LAMP2: variants seen among roughly 807,000 people sequenced by gnomAD.
LAMP2 encodes the protein lysosome associated membrane protein 2, also known as lysosome-associated membrane glycoprotein 2.
In LAMP2, 4 loss-of-function variants were observed where a neutral mutation model predicts 25.6. The ratio of observed to expected loss-of-function variants is 0.16; its 90% CI spans 0.08 to 0.36. The LOEUF (loss-of-function observed/expected upper bound fraction) is 0.36. LAMP2 is among the 10% of genes least tolerant of loss of function. The probability of loss-of-function intolerance (pLI) is 1.00; values close to 1 mark genes in which losing one functional copy is unlikely to be tolerated. For synonymous variants in LAMP2, 108 were observed against 112.7 expected (o/e 0.96, Z 0.27); for missense variants, 272 against 301.4 (o/e 0.90, Z 0.72).
chrX:120,439,134 A>G, intron 8 of LAMP2: 1 of 1,209,739 alleles, frequency 8.3e-7, no homozygotes, highest in Non-Finnish European at 1.1e-6. Flanking sequence ...TTTGTAACAG[A>G]GATCACGTAT....
At position 120,438,731 on chromosome X, in the gene LAMP2, CAA is replaced by C. The variant is rs1556088505; in HGVS notation, c.1093+2997_1093+2998del. 4.2e-4 allele frequency: 295 copies of C among 708,979 alleles called. 2 individuals carry two copies. In the African/African-American group the frequency reaches 5.3e-3, roughly 13 times the overall value. 58.4% of individuals were successfully genotyped at this position (708,979 alleles called of 1,213,427 possible). ...ACACACACACACACACACACACACACAAAAAGAGCAAAAGGAGCAAGTACAAA... is the reference window on the plus strand; with the variant it reads ...ACACACACACACACACACACACACACAAAGAGCAAAAGGAGCAAGTACAAA... On this transcript the variant is annotated intron_variant, in intron 8 of 8. Coordinates refer to ENST00000200639, the MANE Select transcript of LAMP2 (RefSeq NM_002294.3).
intron 6 of LAMP2, 138 bp from the exon 7 acceptor site, chrX:120,442,800 C>T (rs1309300170): frequency 7.6e-6 from 4 of 529,601 alleles, no homozygotes; most frequent in South Asian, 2.6e-5. Flanking sequence ...TAAACTGCAA[C>T]TAAGTAAAAG....
intron 3 of LAMP2, among the ~76,000 whole-genome samples, chrX:120,451,201 G>A (rs1449941526): frequency 1.8e-5 from 2 of 111,639 alleles, no homozygotes; most frequent in Admixed American, 1.9e-4. Flanking sequence ...TTACAGGCAC[G>A]AGCCACCACA....
At chrX:120,453,746 T>G (rs1265575347) in intron 3 of LAMP2, among the ~76,000 whole-genome samples, 1 of 112,147 alleles carries the variant, frequency 8.9e-6, no homozygotes, top group East Asian at 2.8e-4. Flanking sequence ...AGGCGGAGGT[T>G]GCAGTAAGCC....
At position 120,428,671 on chromosome X, in the gene LAMP2, A is replaced by G. The variant is rs201640841; in HGVS notation, c.*2652T>C. On this transcript the variant is annotated 3_prime_UTR_variant, in exon 9 of 9. Coordinates refer to ENST00000200639, the MANE Select transcript of LAMP2 (RefSeq NM_002294.3). ...AGCAAGGAAAGGAAATTAGCAAAGA[A>G]TGCAATTAAGTAGTAAAAAGCATGC... 13 of 1,139,477 alleles carry G rather than the reference A, an allele frequency of 1.1e-5. No individual in the cohort carries two copies. In the East Asian group the frequency reaches 4.4e-4, roughly 38 times the overall value. 93.9% of individuals were successfully genotyped at this position (1,139,477 alleles called of 1,213,427 possible).
intron 8 of LAMP2, chrX:120,436,777 G>T: frequency 1.4e-6 from 1 of 703,538 alleles, no homozygotes; most frequent in Non-Finnish European, 1.7e-6. Flanking sequence ...GTAAATAGCA[G>T]TATATAAACT....
intron 8 of LAMP2, chrX:120,436,467 T>C (rs1269172718): frequency 1.4e-6 from 1 of 733,791 alleles, no homozygotes; most frequent in African/African-American, 2.3e-5. Flanking sequence ...ATCTTGACTT[T>C]AACCAACGGG....
intron 3 of LAMP2, among the ~76,000 whole-genome samples, chrX:120,449,803 A>C (rs1007920777): frequency 8.1e-5 from 9 of 111,206 alleles, no homozygotes; most frequent in African/African-American, 2.9e-4. Context: ...TATTTTAAGG[A>C]AGATAGCAAA....
chrX:120,464,796 G>A (rs1921468056), intron 1 of LAMP2, among the ~76,000 whole-genome samples: 1 of 111,884 alleles, frequency 8.9e-6, no homozygotes, highest in Non-Finnish European at 1.9e-5. Flanking sequence ...TTGTCCCCCA[G>A]GCTGGAGGAC....
At chrX:120,451,085 G>A (rs961758117) in intron 3 of LAMP2, among the ~76,000 whole-genome samples, 3 of 109,450 alleles carry the variant, frequency 2.7e-5, no homozygotes, top group Admixed American at 9.8e-5. Flanking sequence ...ACGCCACCAC[G>A]CCCAGCTAAT....
chrX:120,458,638 T>G (rs1427352637), intron 1 of LAMP2, among the ~76,000 whole-genome samples: 2 of 111,213 alleles, frequency 1.8e-5, no homozygotes, highest in African/African-American at 6.6e-5. Context: ...TCAATATCTC[T>G]CACCTCAAAC....
At position 120,442,590 on chromosome X, in the gene LAMP2, T is replaced by C; in HGVS notation, c.928+9A>G. On this transcript the variant is annotated intron_variant, in intron 7 of 8. Transcript: ENST00000200639. ...ACAGTCTTTTTCCCCAGGCCAGTGCTTTGCTTACCGGAGCCATTAACCAAA... is the reference window on the plus strand; with the variant it reads ...ACAGTCTTTTTCCCCAGGCCAGTGCCTTGCTTACCGGAGCCATTAACCAAA... 8.3e-7 allele frequency: 1 copy of C among 1,198,680 alleles called. No homozygotes were observed. The highest frequency in any genetic ancestry group is 1.1e-6 in the Non-Finnish European group (1 of 883,384).
intron 1 of LAMP2, 137 bp downstream of exon 1, chrX:120,468,969 G>A: frequency 1.4e-6 from 1 of 705,253 alleles, no homozygotes; most frequent in Non-Finnish European, 2.3e-6. Context: ...TGCCTCCCCG[G>A]GCCAACCGCC....
intron 6 of LAMP2, among the ~76,000 whole-genome samples, chrX:120,445,845 A>G (rs144908531): frequency 8.9e-6 from 1 of 112,307 alleles, no homozygotes; most frequent in Non-Finnish European, 1.9e-5. Flanking sequence ...AGCTTTGTAC[A>G]TAGTAAGTAC....
At chrX:120,456,559 C>T (rs1258422717) in intron 2 of LAMP2, 92 bp downstream of exon 2, 23 of 449,073 alleles carry the variant, frequency 5.1e-5, no homozygotes, top group African/African-American at 1.0e-4. Flanking sequence ...AGTCAGTCAA[C>T]GTGGAATTTC....
At chrX:120,459,287 A>G (rs2147289026) in intron 1 of LAMP2, among the ~76,000 whole-genome samples, 1 of 112,198 alleles carries the variant, frequency 8.9e-6, no homozygotes, top group Non-Finnish European at 1.9e-5. Context: ...CCCTTGTTAC[A>G]ATTTCTGGCA....
Position 120,426,735 on chromosome X carries a change from G to T in LAMP2, c.*4588C>A, listed in dbSNP as rs1306936755. ...TCTCAAAAATATGTATTGAAACAAA[G>T]CCACTGTTTTTTATGATGACATCAT... On this transcript the variant is annotated 3_prime_UTR_variant, in exon 9 of 9. Transcript: ENST00000200639. 9.0e-6 allele frequency among the ~76,000 whole-genome samples: 1 copy of T among 111,553 alleles called. No individual in the cohort carries two copies. The highest frequency in any genetic ancestry group is 1.9e-5 in the Non-Finnish European group (1 of 53,017).
intron 1 of LAMP2, among the ~76,000 whole-genome samples, chrX:120,467,056 G>T (rs1307366239): frequency 9.0e-6 from 1 of 111,422 alleles, no homozygotes; most frequent in Non-Finnish European, 1.9e-5. Flanking sequence ...TGGTCAGGCT[G>T]GTCTTGAACT....
Position 120,439,240 on chromosome X carries a change from C to A in LAMP2, c.1093+2490G>T, listed in dbSNP as rs1297193651. 8.3e-7 allele frequency: 1 copy of A among 1,210,131 alleles called. No individual in the cohort carries two copies. The highest frequency in any genetic ancestry group is 2.2e-5 in the Admixed American group (1 of 46,014). On this transcript the variant is annotated intron_variant, in intron 8 of 8. Coordinates refer to ENST00000200639, the MANE Select transcript of LAMP2 (RefSeq NM_002294.3). ...ACGATAATCAAGCCTGAAAGACCAGCACCAACTATAATTGGGATTAGAATG... is the reference window on the plus strand; with the variant it reads ...ACGATAATCAAGCCTGAAAGACCAGAACCAACTATAATTGGGATTAGAATG...
Sources: allele counts gnomAD v4.1 joint callset (sites outside exome capture counted in the v4.1 genomes callset), GRCh38; gene constraint gnomAD v4.1.1; transcripts MANE v1.5; gene names NCBI Gene and HGNC (gene_info 2026-07-23, HGNC 2026-07-21).